Variants in NECTIN1 observed in about 807,000 individuals in gnomAD.
NECTIN1 encodes nectin-1.
Under a neutral mutation model 48.0 loss-of-function variants are expected in NECTIN1, and 23 were observed. The ratio of observed to expected loss-of-function variants is 0.48; its 90% CI spans 0.34 to 0.68. NECTIN1 has a LOEUF of 0.68. Ranked by LOEUF, NECTIN1 falls within the 30% of genes least tolerant of loss-of-function variation. The pLI is 0.01. For synonymous variants in NECTIN1, 270 were observed against 288.9 expected (o/e 0.93, Z 0.66); for missense variants, 591 against 709.9 (o/e 0.83, Z 1.90).
At chr11:119,711,433 C>G (rs2134333664) in intron 1 of NECTIN1, among the ~76,000 whole-genome samples, 1 of 151,254 alleles carries the variant, frequency 6.6e-6, no homozygotes, top group South Asian at 2.1e-4. Context: ...CACAGCTTAT[C>G]AGGGTTGTGA....
rs948660997 is a variant in NECTIN1 at position 119,641,677 on chromosome 11, C to G, written c.1004-1665G>C. 9.6e-4 allele frequency: 146 copies of G among 152,710 alleles called. 1 individual carries two copies. Among genetic ancestry groups the G allele is most frequent in the African/African-American group, 3.4e-3 (141 of 41,564 alleles). The allele number at this position is 152,710 out of a possible 1,614,324, so 9.5% of individuals were successfully genotyped here. On this transcript the variant is annotated intron_variant, in intron 5 of 7. Transcript: ENST00000341398. ...CTGCCTCCTCCACTGGAATGGGGTT[C>G]CTCCTCTGGACTTCCCCTGCACTCT...
Position 119,664,137 on chromosome 11 carries a change from C to G in NECTIN1, c.*610G>C. The G allele has an allele frequency of 1.0e-6, 1 of 986,232 alleles. No individual in the cohort carries two copies. The highest frequency in any genetic ancestry group is 1.2e-6 in the Non-Finnish European group (1 of 830,280). The allele number at this position is 986,232 out of a possible 1,614,324, so 61.1% of individuals were successfully genotyped here. A position where few individuals can be genotyped will look rare whatever the true frequency, so the allele number is the denominator to read the frequency against. ...CCACCCTCAGCAGGAAAACACTGCCCAAGGCCCCGCTTAACAAACAAGACT... is the reference window on the plus strand; with the variant it reads ...CCACCCTCAGCAGGAAAACACTGCCGAAGGCCCCGCTTAACAAACAAGACT... On this transcript the variant is annotated 3_prime_UTR_variant, in exon 6 of 6. Transcript: ENST00000264025.
At chr11:119,699,448 C>A (rs1251843551) in intron 1 of NECTIN1, among the ~76,000 whole-genome samples, 1 of 152,168 alleles carries the variant, frequency 6.6e-6, no homozygotes, top group East Asian at 1.9e-4. Flanking sequence ...CCACACCCAG[C>A]TCTGTCAATG....
Position 119,678,413 on chromosome 11 carries a change from A to G in NECTIN1, c.430+2T>C. On this transcript the variant is annotated splice_donor_variant, in intron 2 of 5. Transcript: ENST00000264025. LOFTEE classifies it high-confidence loss of function. The surrounding 1 kb of genome is among the most constrained non-coding windows in gnomAD (Gnocchi z 4.4). ...ACAGGGAGGGGGCCCAGGGCAGCTT[A>G]CCCATCACCGTGAGATTGAGCTGGC... 1 of 1,613,634 alleles carries G rather than the reference A, an allele frequency of 6.2e-7. No homozygotes were observed. The highest frequency in any genetic ancestry group is 8.5e-7 in the Non-Finnish European group (1 of 1,179,528).
chr11:119,638,289 C>T, intron 7 of NECTIN1: 1 of 1,611,950 alleles, frequency 6.2e-7, no homozygotes, highest in Non-Finnish European at 8.5e-7. Context: ...CCTTTCCATG[C>T]CCCTGCTCCA....
At chr11:119,656,093 G>A (rs1158567712), downstream of NECTIN1, among the ~76,000 whole-genome samples, 2 of 151,542 alleles carry the variant, frequency 1.3e-5, no homozygotes, top group African/African-American at 4.9e-5. Flanking sequence ...TGCAAGTCTC[G>A]CTATGTCACT....
At chr11:119,668,950 G>A (rs1403180150) in intron 5 of NECTIN1, among the ~76,000 whole-genome samples, 2 of 152,132 alleles carry the variant, frequency 1.3e-5, no homozygotes, top group Non-Finnish European at 2.9e-5. Context: ...TTACATTTGT[G>A]CTTTCTTCAA....
Position 119,677,155 on chromosome 11 carries a change from C to T in NECTIN1, c.798G>A (p.Lys266=). The T allele has an allele frequency of 6.2e-7, 1 of 1,614,172 alleles. No individual in the cohort carries two copies. Reference sequence around the variant, plus strand: ...GGTTAGCATCAGCTTTGCAGGTGAGCTTCACGTCCATCCGCTGCAGGTACC... The same window carrying T: ...GGTTAGCATCAGCTTTGCAGGTGAGTTTCACGTCCATCCGCTGCAGGTACC... The part of the protein sequence containing the change: ...GNWYLQRMDV[K]LTCKADANPP... The change falls in exon 4 of 6, where the codon AAG becomes AAA. Residue 266 remains lysine, a synonymous_variant. Transcript: ENST00000264025. This position sits in a 1 kb window ranked among gnomAD's most constrained non-coding sequence, Gnocchi z 5.4.
chr11:119,646,559 T>G (rs1459396338), intron 5 of NECTIN1, among the ~76,000 whole-genome samples: 1 of 152,160 alleles, frequency 6.6e-6, no homozygotes, highest in Non-Finnish European at 1.5e-5. Flanking sequence ...TTTACTTAAA[T>G]TATTTTATTT....
chr11:119,724,799 GCA>G (rs1481073365), intron 1 of NECTIN1, among the ~76,000 whole-genome samples: 1 of 152,160 alleles, frequency 6.6e-6, no homozygotes, highest in Non-Finnish European at 1.5e-5. Flanking sequence ...ATACCTGTGT[GCA>G]CACACACACT....
downstream of NECTIN1, among the ~76,000 whole-genome samples, chr11:119,657,485 C>A (rs764077079): frequency 2.0e-5 from 3 of 151,106 alleles, no homozygotes; most frequent in Admixed American, 6.6e-5. Flanking sequence ...CGTGGTGGCA[C>A]GTGCCTGTAG....
chr11:119,674,323 G>T (rs1864909370), intron 5 of NECTIN1: 1 of 1,356,114 alleles, frequency 7.4e-7, no homozygotes, highest in African/African-American at 1.5e-5. Context: ...TGTGATGGCA[G>T]TTTACCCCTG....
chr11:119,725,946 C>T (rs73575036), intron 1 of NECTIN1, among the ~76,000 whole-genome samples: 95 of 152,328 alleles, frequency 6.2e-4, no homozygotes, highest in African/African-American at 2.2e-3. Flanking sequence ...TGACCCTCTC[C>T]TCTAAGTTAA....
chr11:119,674,704 T>C (rs1356492265), intron 5 of NECTIN1: 1 of 1,614,032 alleles, frequency 6.2e-7, no homozygotes, highest in Non-Finnish European at 8.5e-7. Flanking sequence ...GGGCTACATC[T>C]TCGCTTTCTC....
chr11:119,667,505 G>A (rs760011135), intron 5 of NECTIN1, among the ~76,000 whole-genome samples: 1 of 152,226 alleles, frequency 6.6e-6, no homozygotes, highest in Admixed American at 6.5e-5. Context: ...GCAGGGGAAC[G>A]GGGTGGTGTG....
chr11:119,650,410 A>G (rs1190649648), intron 5 of NECTIN1, among the ~76,000 whole-genome samples: 1 of 152,154 alleles, frequency 6.6e-6, no homozygotes, highest in Non-Finnish European at 1.5e-5. Flanking sequence ...GTCTTTCCTC[A>G]TGAGCCCGGC....
At chr11:119,658,117 C>T (rs947041246), downstream of NECTIN1, among the ~76,000 whole-genome samples, 18 of 152,070 alleles carry the variant, frequency 1.2e-4, no homozygotes, top group African/African-American at 2.7e-4. Context: ...TCAAGCCGAG[C>T]GGCCAGCCAT....
rs79199839 is a variant in NECTIN1 at position 119,707,610 on chromosome 11, C to T, written c.79+20865G>A. ...ACCTTGTCCCTGCTATGCCAAGTTGCAGAATCCTCTCCTTCCTCCAGGTTC... is the reference window on the plus strand; with the variant it reads ...ACCTTGTCCCTGCTATGCCAAGTTGTAGAATCCTCTCCTTCCTCCAGGTTC... On this transcript the variant is annotated intron_variant, in intron 1 of 5. Transcript: ENST00000264025. Among the ~76,000 whole-genome samples the T allele has an allele frequency of 6.6e-4, 100 of 152,352 alleles. 1 individual carries two copies. The East Asian group carries it at 0.019, about 29-fold the overall frequency.
At chr11:119,674,168 C>A (rs920595694) in intron 5 of NECTIN1, among the ~76,000 whole-genome samples, 1 of 152,188 alleles carries the variant, frequency 6.6e-6, no homozygotes, top group Admixed American at 6.5e-5. Context: ...CCAGCAACTG[C>A]CGACCAGTCT....
Sources: gnomAD v4.1 joint callset for allele counts (sites outside exome capture counted in the v4.1 genomes callset) on GRCh38, gnomAD v4.1.1 for gene constraint, Gnocchi (gnomAD v3.1) non-coding constraint, MANE v1.5 for transcripts, NCBI Gene and HGNC (gene_info 2026-07-23, HGNC 2026-07-21) for gene names.